Variants in PLCH1 observed in about 807,000 individuals in gnomAD.
The protein encoded by PLCH1 is 1-phosphatidylinositol 4,5-bisphosphate phosphodiesterase eta-1.
In PLCH1, 60 loss-of-function variants were observed where a neutral mutation model predicts 126.7. That is an observed-to-expected ratio of 0.47 (90% CI 0.38 to 0.59). PLCH1 has a LOEUF of 0.59. Among genes scored for constraint, PLCH1 ranks in the 20% least tolerant of loss-of-function variants. PLCH1 has a pLI of 0.00. For missense variants in PLCH1, 1,723 were observed against 2,040.0 expected, an observed-to-expected ratio of 0.84 and a Z score of 2.99; for synonymous variants, 719 against 734.9, an observed-to-expected ratio of 0.98 and a Z score of 0.35.
At chr3:155,713,344 T>C (rs547118026) in intron 1 of PLCH1, among the ~76,000 whole-genome samples, 105 of 151,822 alleles carry the variant, frequency 6.9e-4, no homozygotes, top group African/African-American at 2.4e-3. Context: ...GCCTCTGGAG[T>C]GTATAGATTA....
chr3:155,672,717 T>C (rs1382499160), intron 2 of PLCH1, among the ~76,000 whole-genome samples: 1 of 152,206 alleles, frequency 6.6e-6, no homozygotes, highest in Non-Finnish European at 1.5e-5. Context: ...GCAATGACTT[T>C]CTTGTAACTA....
At chr3:155,590,171 T>C (rs532005340) in intron 4 of PLCH1, among the ~76,000 whole-genome samples, 2 of 152,226 alleles carry the variant, frequency 1.3e-5, no homozygotes, top group Admixed American at 1.3e-4. Context: ...TCATTTTTCA[T>C]TCACAGTTGA....
chr3:155,703,766 A>G (rs1424700208), intron 2 of PLCH1, among the ~76,000 whole-genome samples: 2 of 152,238 alleles, frequency 1.3e-5, no homozygotes, highest in Non-Finnish European at 2.9e-5. Context: ...AGGCCATGCT[A>G]TGCTGGTAAT....
chr3:155,453,329 A>G (rs1712360346), intron 21 of PLCH1, among the ~76,000 whole-genome samples: 1 of 152,222 alleles, frequency 6.6e-6, no homozygotes. Context: ...ATTTAAATAG[A>G]GACCATAAAT....
At chr3:155,578,848 A>G (rs1730307769) in intron 6 of PLCH1, among the ~76,000 whole-genome samples, 1 of 152,072 alleles carries the variant, frequency 6.6e-6, no homozygotes, top group Non-Finnish European at 1.5e-5. Flanking sequence ...CCACCCATAA[A>G]ACCTAGGAAG....
intron 2 of PLCH1, among the ~76,000 whole-genome samples, chr3:155,597,692 T>C (rs1733156301): frequency 6.6e-6 from 1 of 152,168 alleles, no homozygotes; most frequent in South Asian, 2.1e-4. Flanking sequence ...ATTGTATGCA[T>C]AGGGTGCCTA....
chr3:155,557,745 T>G (rs1445685089), intron 8 of PLCH1, among the ~76,000 whole-genome samples: 1 of 152,182 alleles, frequency 6.6e-6, no homozygotes, highest in African/African-American at 2.4e-5. Context: ...TTACACACTA[T>G]GGAACCCCAA....
At chr3:155,451,745 T>C (rs1158747556) in intron 21 of PLCH1, among the ~76,000 whole-genome samples, 1 of 152,108 alleles carries the variant, frequency 6.6e-6, no homozygotes, top group Non-Finnish European at 1.5e-5. Flanking sequence ...AGAAAGAATG[T>C]TTTCTCTCTT....
At chr3:155,706,551 C>T (rs1246324509) in intron 1 of PLCH1, among the ~76,000 whole-genome samples, 3 of 150,406 alleles carry the variant, frequency 2.0e-5, no homozygotes, top group South Asian at 2.1e-4. Context: ...ACCCAGGAGG[C>T]GGAGGTTGCA....
chr3:155,692,209 G>C (rs1745440490), intron 2 of PLCH1, among the ~76,000 whole-genome samples: 1 of 152,064 alleles, frequency 6.6e-6, no homozygotes, highest in Non-Finnish European at 1.5e-5. Flanking sequence ...ACCATATGAA[G>C]GTCAGCATAT....
At chr3:155,637,767 C>T (rs1465193884) in intron 2 of PLCH1, among the ~76,000 whole-genome samples, 1 of 152,214 alleles carries the variant, frequency 6.6e-6, no homozygotes, top group Non-Finnish European at 1.5e-5. Flanking sequence ...AAGAACCTCT[C>T]ACCTACTTTA....
At chr3:155,545,212 A>G (rs1454557952) in intron 10 of PLCH1, among the ~76,000 whole-genome samples, 3 of 150,832 alleles carry the variant, frequency 2.0e-5, no homozygotes, top group East Asian at 3.9e-4. Context: ...GGATATCACC[A>G]CTGATCCCAC....
intron 11 of PLCH1, among the ~76,000 whole-genome samples, chr3:155,520,689 T>C (rs1405834497): frequency 1.3e-5 from 2 of 152,232 alleles, no homozygotes; most frequent in East Asian, 3.8e-4. Context: ...ATCTGTTAGA[T>C]TACTACTCTG....
chr3:155,608,232 C>A (rs544599324), intron 2 of PLCH1, among the ~76,000 whole-genome samples: 45 of 152,236 alleles, frequency 3.0e-4, no homozygotes, highest in Middle Eastern at 6.8e-3. Flanking sequence ...GGAAGGGATC[C>A]CACAGGACTA....
chr3:155,587,673 T>G (rs16825113), intron 4 of PLCH1, among the ~76,000 whole-genome samples: 19,527 of 152,144 alleles, frequency 0.13, 2,017 homozygotes, highest in African/African-American at 0.28. Context: ...AGAAGCTGAG[T>G]TTAGATACAA....
intron 1 of PLCH1, among the ~76,000 whole-genome samples, chr3:155,709,459 A>T (rs967331520): frequency 7.9e-5 from 12 of 152,154 alleles, no homozygotes; most frequent in African/African-American, 2.9e-4. Context: ...TGGTGTTACA[A>T]GTGTTCTGGA....
rs199565949 is a variant in PLCH1, at chr3:155,683,978, G to GT, written c.79+20167dup. ...ACTCCAGCTAAATGAGGACTGTTTG[G>GT]TTGTATAATAACCACACTTGGACGT... On this transcript the variant is annotated intron_variant, in intron 2 of 22. Transcript: ENST00000460012. Among the ~76,000 whole-genome samples, 1,066 of 152,234 alleles carry GT rather than the reference G, an allele frequency of 7.0e-3. 6 individuals are homozygous for GT. The highest frequency in any genetic ancestry group is 0.021 in the South Asian group (103 of 4,816).
intron 1 of PLCH1, chr3:155,742,565 T>C (rs1285526612): frequency 1.3e-5 from 2 of 152,124 alleles, no homozygotes; most frequent in Non-Finnish European, 2.9e-5. Context: ...GCAGTTTACC[T>C]CCTGGAACCA....
intron 10 of PLCH1, among the ~76,000 whole-genome samples, chr3:155,548,277 A>G (rs1339258786): frequency 6.6e-6 from 1 of 152,160 alleles, no homozygotes; most frequent in Admixed American, 6.6e-5. Flanking sequence ...TTTTGCTTTA[A>G]ATGGGGTTGC....
Sources: gnomAD v4.1 joint callset for allele counts (sites outside exome capture counted in the v4.1 genomes callset) on GRCh38, gnomAD v4.1.1 for gene constraint, MANE v1.5 for transcripts, NCBI Gene and HGNC (gene_info 2026-07-23, HGNC 2026-07-21) for gene names.